Variants in GRM1 observed in about 807,000 individuals in gnomAD.
GRM1 encodes the protein glutamate metabotropic receptor 1.
GRM1 carries 33 observed loss-of-function variants against 90.9 expected under a neutral mutation model. That is an observed-to-expected ratio of 0.36 (90% CI 0.28 to 0.49). The LOEUF (loss-of-function observed/expected upper bound fraction) is 0.49. Among genes scored for constraint, GRM1 ranks in the 20% least tolerant of loss-of-function variants. The pLI is 0.99. For missense variants in GRM1, 1,190 were observed against 1,534.3 expected, an observed-to-expected ratio of 0.78 and a Z score of 3.75; for synonymous variants, 700 against 613.2, an observed-to-expected ratio of 1.14 and a Z score of -2.09.
In GRM1 at chr6:146,048,156, G is replaced by C. The variant is rs186968086; in HGVS notation, c.700+17939G>C. ...TTAGATTTCCTCCATATCTTTGTAA[G>C]GTCTGATATGGGGTTAAGCACAAAG... On this transcript the variant is annotated intron_variant, in intron 1 of 7. Coordinates refer to ENST00000282753, the MANE Select transcript of GRM1 (RefSeq NM_001278064.2). 2.0e-5 allele frequency among the ~76,000 whole-genome samples: 3 copies of C among 152,068 alleles called. No homozygotes were observed. The East Asian group carries it at 5.8e-4, about 30-fold the overall frequency.
At chr6:146,287,206 C>T (rs892351915) in intron 2 of GRM1, among the ~76,000 whole-genome samples, 1 of 152,150 alleles carries the variant, frequency 6.6e-6, no homozygotes, top group Non-Finnish European at 1.5e-5. Context: ...GGTTTAGAGA[C>T]TCTTCCCATA....
At chr6:146,428,538 G>T (rs1778296197) in intron 7 of GRM1, among the ~76,000 whole-genome samples, 1 of 152,142 alleles carries the variant, frequency 6.6e-6, no homozygotes, top group South Asian at 2.1e-4. Context: ...ACTCCAGGTA[G>T]AGCTGAGGAG....
chr6:146,058,147 G>A (rs147581271), intron 1 of GRM1, among the ~76,000 whole-genome samples: 21 of 152,118 alleles, frequency 1.4e-4, no homozygotes, highest in Non-Finnish European at 2.2e-4. Flanking sequence ...TGTAGATAAC[G>A]AGCTGTCATC....
At chr6:146,251,504 A>G (rs1356606107) in intron 2 of GRM1, among the ~76,000 whole-genome samples, 24 of 152,236 alleles carry the variant, frequency 1.6e-4, no homozygotes, top group Non-Finnish European at 1.5e-5. Flanking sequence ...TAAAATTTAA[A>G]TATTAGAAGT....
At chr6:146,427,741 G>A (rs9497541) in intron 7 of GRM1, among the ~76,000 whole-genome samples, 6,535 of 152,230 alleles carry the variant, frequency 0.043, 482 homozygotes, top group African/African-American at 0.15. Context: ...AGGTGTCTGC[G>A]CATCTAGGTC....
At chr6:146,085,215 T>G (rs1385934201) in intron 1 of GRM1, among the ~76,000 whole-genome samples, 1 of 152,086 alleles carries the variant, frequency 6.6e-6, no homozygotes, top group South Asian at 2.1e-4. Context: ...ATAATATTTT[T>G]AAATACAATA....
rs182987219 is a variant in GRM1 at position 146,323,633 on chromosome 6, T to C, written c.1186+18787T>C. 7.8e-3 allele frequency among the ~76,000 whole-genome samples: 1,184 copies of C among 152,326 alleles called. 16 individuals are homozygous for C. The highest frequency in any genetic ancestry group is 0.027 in the African/African-American group (1,132 of 41,582). On this transcript the variant is annotated intron_variant, in intron 3 of 7. Transcript: ENST00000282753. ...TGTCAATTTTGTCTTTTGTTGCCAT[T>C]GCTTTTGGTGTTTTAGACATGAAGT...
At chr6:146,058,776 T>C (rs560933373) in intron 1 of GRM1, among the ~76,000 whole-genome samples, 2 of 152,260 alleles carry the variant, frequency 1.3e-5, no homozygotes, top group East Asian at 3.9e-4. Context: ...GTCTCAATCA[T>C]TTGTTGTCAT....
chr6:146,202,479 A>G (rs1779331573), intron 2 of GRM1, among the ~76,000 whole-genome samples: 1 of 152,236 alleles, frequency 6.6e-6, no homozygotes, highest in Non-Finnish European at 1.5e-5. Flanking sequence ...CAGCTCCAGT[A>G]CTCAGGAGAG....
At chr6:146,148,864 T>C (rs1291008331) in intron 1 of GRM1, among the ~76,000 whole-genome samples, 1 of 152,164 alleles carries the variant, frequency 6.6e-6, no homozygotes. Context: ...GTTGTTGCTA[T>C]ATACAACCTT....
chr6:146,081,983 G>T (rs754101865), intron 1 of GRM1, among the ~76,000 whole-genome samples: 1 of 152,096 alleles, frequency 6.6e-6, no homozygotes, highest in Non-Finnish European at 1.5e-5. Flanking sequence ...GAGTAGAGAC[G>T]GGGAAGTTAA....
At chr6:146,303,617 T>A (rs1161086739) in intron 2 of GRM1, among the ~76,000 whole-genome samples, 10 of 152,156 alleles carry the variant, frequency 6.6e-5, no homozygotes, top group African/African-American at 9.7e-5. Context: ...TTCTGTGGGA[T>A]GGCAGGAGTC....
At chr6:146,062,602 T>C (rs899638507) in intron 1 of GRM1, among the ~76,000 whole-genome samples, 4 of 152,170 alleles carry the variant, frequency 2.6e-5, no homozygotes, top group African/African-American at 9.7e-5. Flanking sequence ...CTTCAATTTA[T>C]CCAGTACTGT....
chr6:146,212,929 C>T (rs1024641832), intron 2 of GRM1, among the ~76,000 whole-genome samples: 7 of 152,058 alleles, frequency 4.6e-5, no homozygotes, highest in Non-Finnish European at 1.0e-4. Context: ...TAACGTTTAT[C>T]GAGTTTCTAC....
intron 2 of GRM1, among the ~76,000 whole-genome samples, chr6:146,236,502 G>T (rs1280910133): frequency 4.6e-5 from 7 of 152,082 alleles, no homozygotes; most frequent in Non-Finnish European, 1.0e-4. Context: ...GGCACTAGGG[G>T]AACATTCTCT....
intron 1 of GRM1, among the ~76,000 whole-genome samples, chr6:146,111,565 A>G (rs1032631646): frequency 6.6e-6 from 1 of 152,230 alleles, no homozygotes; most frequent in Non-Finnish European, 1.5e-5. Context: ...TTTGAGGAAG[A>G]TGATACTTTA....
intron 3 of GRM1, among the ~76,000 whole-genome samples, chr6:146,338,004 G>T (rs1177618063): frequency 3.9e-5 from 6 of 152,094 alleles, no homozygotes; most frequent in Non-Finnish European, 8.8e-5. Flanking sequence ...TTTTTCCTGG[G>T]GGGAAATTTT....
chr6:146,271,970 A>G (rs1354746637), intron 2 of GRM1, among the ~76,000 whole-genome samples: 1 of 152,208 alleles, frequency 6.6e-6, no homozygotes. Flanking sequence ...AGCACTGAAG[A>G]AAATGGCAGT....
At chr6:146,227,007 T>G (rs539393365) in intron 2 of GRM1, among the ~76,000 whole-genome samples, 2 of 152,250 alleles carry the variant, frequency 1.3e-5, no homozygotes, top group African/African-American at 4.8e-5. Flanking sequence ...CAAATAATCC[T>G]CCAGACATTT....
Sources: allele counts gnomAD v4.1 joint callset (sites outside exome capture counted in the v4.1 genomes callset), GRCh38; gene constraint gnomAD v4.1.1; transcripts MANE v1.5; gene names NCBI Gene and HGNC (gene_info 2026-07-23, HGNC 2026-07-21).